The following INTU variants were observed in gnomAD, a reference collection of about 807,000 sequenced individuals.
INTU encodes inturned planar cell polarity protein, also known as protein inturned.
In INTU, 68 loss-of-function variants were observed where a neutral mutation model predicts 100.5. That is an observed-to-expected ratio of 0.68 (90% confidence interval 0.56 to 0.83). The LOEUF (loss-of-function observed/expected upper bound fraction) is 0.83, where lower values mean the gene tolerates loss of function less well. INTU is among the 40% of genes least tolerant of loss of function. INTU has a pLI of 0.00. For missense variants in INTU, 1,071 were observed against 1,114.7 expected (o/e 0.96, Z 0.56); for synonymous variants, 357 against 395.7 (o/e 0.90, Z 1.16).
chr4:127,673,201 A>G (rs1014638497), intron 5 of INTU, among the ~76,000 whole-genome samples: 3 of 152,088 alleles, frequency 2.0e-5, no homozygotes, highest in African/African-American at 7.2e-5. Flanking sequence ...TTTTTGAGAC[A>G]GGGCCTCGCT....
At position 127,705,512 on chromosome 4, in the gene INTU, C is replaced by T. The variant is rs184551725; in HGVS notation, c.1567-79C>T. On this transcript the variant is annotated intron_variant, in intron 10 of 15. Transcript: ENST00000335251. The stretch of plus-strand genomic sequence containing the variant: ...TATTCTAAACCAACGGAAGAAGTGT[C>T]TATGAAACTCTTAGAAATATTATGG... 15 of 1,039,182 alleles carry T rather than the reference C, an allele frequency of 1.4e-5. No homozygotes were observed. The African/African-American group carries it at 2.2e-4, about 15-fold the overall frequency. 64.4% of individuals were successfully genotyped at this position (1,039,182 alleles called of 1,614,324 possible). A position where few individuals can be genotyped will look rare whatever the true frequency, so the allele number is the denominator to read the frequency against.
intron 3 of INTU, among the ~76,000 whole-genome samples, chr4:127,659,723 G>A (rs1728391962): frequency 6.6e-6 from 1 of 152,134 alleles, no homozygotes; most frequent in South Asian, 2.1e-4. Context: ...TTAGTACTGG[G>A]CCATAGCTGG....
intron 11 of INTU, among the ~76,000 whole-genome samples, chr4:127,706,050 A>T (rs1730866097): frequency 6.6e-6 from 1 of 152,182 alleles, no homozygotes. Context: ...AATATTAATA[A>T]AGTCTAAGAA....
At chr4:127,633,275 G>C in intron 1 of INTU, 95 bp downstream of exon 1, 1 of 1,319,782 alleles carries the variant, frequency 7.6e-7, no homozygotes, top group Non-Finnish European at 1.1e-6. Context: ...GGCGTGGTTG[G>C]AATCGAGTAT....
intron 15 of INTU, among the ~76,000 whole-genome samples, chr4:127,714,666 T>C (rs1308030377): frequency 6.6e-6 from 1 of 152,174 alleles, no homozygotes; most frequent in East Asian, 1.9e-4. Context: ...TCTCTTTCCC[T>C]CATCAAAGTG....
rs966349183 is a variant in INTU, at chr4:127,723,923, T to C, written c.*7487T>C. Reference sequence around the variant, plus strand: ...AGTCGGTTGAGGCTGCAGTGAGCTATGATCATGCCACTGCACTCTAGCCTG... The same window carrying C: ...AGTCGGTTGAGGCTGCAGTGAGCTACGATCATGCCACTGCACTCTAGCCTG... On this transcript the variant is annotated 3_prime_UTR_variant, in exon 16 of 16. Transcript: ENST00000335251. The C allele has an allele frequency of 4.6e-5, 7 of 151,990 alleles. No individual in the cohort carries two copies. Among genetic ancestry groups the C allele is most frequent in the African/African-American group, 1.7e-4 (7 of 41,312 alleles). The allele number at this position is 151,990 out of a possible 1,614,324, so 9.4% of individuals were successfully genotyped here. A position where few individuals can be genotyped will look rare whatever the true frequency, so the allele number is the denominator to read the frequency against.
chr4:127,685,593 C>A, intron 7 of INTU: 2 of 377,912 alleles, frequency 5.3e-6, no homozygotes, highest in Non-Finnish European at 1.1e-5. Context: ...AGCTGGGCAT[C>A]CATAAATAGT....
chr4:127,675,727 A>G (rs1200278806), intron 6 of INTU, among the ~76,000 whole-genome samples: 1 of 152,090 alleles, frequency 6.6e-6, no homozygotes, highest in Non-Finnish European at 1.5e-5. Flanking sequence ...TTCTTGCCAC[A>G]TGGACCTCTC....
chr4:127,645,152 T>C (rs73847026), intron 2 of INTU, among the ~76,000 whole-genome samples: 2,925 of 152,302 alleles, frequency 0.019, 92 homozygotes, highest in African/African-American at 0.067. Context: ...CTGCACACTT[T>C]CTTAAAATGT....
At chr4:127,676,342 T>G (rs902419641) in intron 6 of INTU, among the ~76,000 whole-genome samples, 3 of 151,976 alleles carry the variant, frequency 2.0e-5, no homozygotes, top group African/African-American at 7.3e-5. Flanking sequence ...TCCTAGCACT[T>G]TGGGAGGCCA....
intron 13 of INTU, 36 bp downstream of exon 13, chr4:127,708,704 A>G: frequency 8.8e-7 from 1 of 1,139,832 alleles, no homozygotes; most frequent in Non-Finnish European, 1.3e-6. Flanking sequence ...ACTTAAACTC[A>G]GGAAGTTTTA....
At chr4:127,708,541 T>C (rs749594152) in intron 12 of INTU, 30 bp from the exon 13 acceptor site, 1 of 1,155,186 alleles carries the variant, frequency 8.7e-7, no homozygotes, top group South Asian at 1.3e-5. Context: ...TTCTTAGATA[T>C]AAACTGATCT....
At chr4:127,710,083 T>C (rs975947224) in intron 13 of INTU, among the ~76,000 whole-genome samples, 3 of 152,122 alleles carry the variant, frequency 2.0e-5, no homozygotes, top group Non-Finnish European at 4.4e-5. Context: ...TATCAGAATT[T>C]TAAAAATATG....
chr4:127,725,863 A>G lies in INTU; in HGVS notation c.*9427A>G, dbSNP rs1240173953. On this transcript the variant is annotated 3_prime_UTR_variant, in exon 16 of 16. Transcript: ENST00000335251. The stretch of plus-strand genomic sequence containing the variant: ...AACTTAGCTGCCTATTTTTCCAAAT[A>G]TGTTCAGAATCACATCTGAAACATC... The G allele has an allele frequency of 6.6e-6, 1 of 152,210 alleles. No individual in the cohort carries two copies. The highest frequency in any genetic ancestry group is 1.5e-5 in the Non-Finnish European group (1 of 68,036). The allele number at this position is 152,210 out of a possible 1,614,324, so 9.4% of individuals were successfully genotyped here.
chr4:127,710,297 AATAT>A (rs1731046277), intron 13 of INTU, among the ~76,000 whole-genome samples: 1 of 152,050 alleles, frequency 6.6e-6, no homozygotes, highest in African/African-American at 2.4e-5. Context: ...AACAGGATGT[AATAT>A]ATTATCCTAA....
chr4:127,641,775 A>G (rs1238725999), intron 1 of INTU, among the ~76,000 whole-genome samples: 2 of 152,148 alleles, frequency 1.3e-5, no homozygotes, highest in Non-Finnish European at 2.9e-5. Flanking sequence ...AGTTCCTGGC[A>G]CTGTTTAGTT....
intron 14 of INTU, among the ~76,000 whole-genome samples, chr4:127,712,025 G>A (rs1357098369): frequency 3.9e-5 from 6 of 152,170 alleles, no homozygotes; most frequent in Non-Finnish European, 8.8e-5. Context: ...AAAACTTACA[G>A]AGGTTTACTT....
At chr4:127,714,129 T>A in intron 15 of INTU, 36 bp downstream of exon 15, 1 of 1,562,268 alleles carries the variant, frequency 6.4e-7, no homozygotes, top group Non-Finnish European at 8.7e-7. Context: ...AAGTAAAGTG[T>A]TAGAAAAGTG....
intron 3 of INTU, among the ~76,000 whole-genome samples, chr4:127,657,366 A>G (rs1728279182): frequency 6.6e-6 from 1 of 152,138 alleles, no homozygotes; most frequent in Non-Finnish European, 1.5e-5. Context: ...GTATACCATG[A>G]ATACTCTGTT....
Sources: gnomAD v4.1 joint callset for allele counts (sites outside exome capture counted in the v4.1 genomes callset) on GRCh38, gnomAD v4.1.1 for gene constraint, MANE v1.5 for transcripts, NCBI Gene and HGNC (gene_info 2026-07-23, HGNC 2026-07-21) for gene names.